FHIP1A: variants seen among roughly 807,000 people sequenced by gnomAD.
FHIP1A encodes FHF complex subunit HOOK interacting protein 1A.
A neutral mutation model predicts 88.6 loss-of-function variants in FHIP1A; 61 were observed. The ratio of observed to expected loss-of-function variants is 0.69; its 90% CI spans 0.56 to 0.85. The LOEUF is 0.85. Ranked by LOEUF, FHIP1A falls within the 40% of genes least tolerant of loss-of-function variation. The probability of loss-of-function intolerance (pLI) is 0.00; values close to 1 mark genes in which losing one functional copy is unlikely to be tolerated. For missense variants in FHIP1A, 1,154 were observed against 1,273.5 expected, an observed-to-expected ratio of 0.91 and a Z score of 1.43; for synonymous variants, 478 against 496.0, an observed-to-expected ratio of 0.96 and a Z score of 0.48.
intron 7 of FHIP1A, among the ~76,000 whole-genome samples, chr4:151,617,054 A>G (rs1735567591): frequency 1.3e-5 from 2 of 152,100 alleles, no homozygotes; most frequent in South Asian, 4.1e-4. Context: ...TCCCCTGAAT[A>G]TGTACTTTCT....
At chr4:151,542,119 TC>T (rs1436063078) in intron 3 of FHIP1A, among the ~76,000 whole-genome samples, 1 of 152,112 alleles carries the variant, frequency 6.6e-6, no homozygotes, top group Middle Eastern at 3.2e-3. Flanking sequence ...TAAATTCTGT[TC>T]CCCTTCACCC....
At chr4:151,632,170 T>G (rs933985794) in intron 8 of FHIP1A, among the ~76,000 whole-genome samples, 1 of 151,916 alleles carries the variant, frequency 6.6e-6, no homozygotes, top group African/African-American at 2.4e-5. Context: ...AAAATTAGAC[T>G]TTAAGATAAA....
Position 151,499,023 on chromosome 4 carries a change from G to T in FHIP1A, c.-123+16375G>T, listed in dbSNP as rs536550460. On this transcript the variant is annotated intron_variant, in intron 3 of 13. Transcript: ENST00000435205. ...TTAAACAGTTATTAAGCAATGAATA[G>T]AAGTGATTATATCTGCCCTGGTTCT... Among the ~76,000 whole-genome samples the T allele has an allele frequency of 7.9e-5, 12 of 152,344 alleles. No homozygotes were observed. In the South Asian group the frequency reaches 2.5e-3, roughly 32 times the overall value.
chr4:151,584,828 C>T (rs901394638), intron 5 of FHIP1A, among the ~76,000 whole-genome samples: 1 of 152,074 alleles, frequency 6.6e-6, no homozygotes, highest in Non-Finnish European at 1.5e-5. Context: ...TTTGTATATG[C>T]TGTTTTCTCT....
At chr4:151,583,268 CCT>C (rs1255034038) in intron 5 of FHIP1A, among the ~76,000 whole-genome samples, 1 of 152,178 alleles carries the variant, frequency 6.6e-6, no homozygotes, top group Non-Finnish European at 1.5e-5. Flanking sequence ...TATTTTCTCC[CCT>C]GTTTCTTTGC....
chr4:151,633,592 AAG>A (rs1578843270), intron 8 of FHIP1A, among the ~76,000 whole-genome samples: 1 of 151,988 alleles, frequency 6.6e-6, no homozygotes, highest in Non-Finnish European at 1.5e-5. Context: ...AGCACATGGT[AAG>A]GATTGTATAA....
At chr4:151,530,569 C>T (rs2057961457) in intron 3 of FHIP1A, among the ~76,000 whole-genome samples, 1 of 152,204 alleles carries the variant, frequency 6.6e-6, no homozygotes, top group South Asian at 2.1e-4. Flanking sequence ...TCTGTTTGGG[C>T]TTCTCTAGTG....
intron 3 of FHIP1A, among the ~76,000 whole-genome samples, chr4:151,520,868 C>T (rs1327825041): frequency 2.0e-5 from 3 of 152,140 alleles, no homozygotes; most frequent in Non-Finnish European, 1.5e-5. Flanking sequence ...TTCAAAAAGG[C>T]TTTCTTAGAA....
At position 151,625,148 on chromosome 4, in the gene FHIP1A, G is replaced by A. The variant is rs1373919826; in HGVS notation, c.979-4554G>A. Among the ~76,000 whole-genome samples, 7 of 152,132 alleles carry A rather than the reference G, an allele frequency of 4.6e-5. No individual in the cohort carries two copies. The South Asian group carries it at 6.2e-4, about 14-fold the overall frequency. ...GTTAAGACCCTTTCACTCCTGTTTC[G>A]TGTGATCCAGCCTTGTCATTCTTTT... is the stretch of plus-strand genomic sequence containing the variant. On this transcript the variant is annotated intron_variant, in intron 7 of 13. Transcript: ENST00000435205.
chr4:151,557,114 G>T (rs990976514), intron 3 of FHIP1A, among the ~76,000 whole-genome samples: 2 of 152,154 alleles, frequency 1.3e-5, no homozygotes, highest in Non-Finnish European at 2.9e-5. Flanking sequence ...ATTACCTAAT[G>T]CATAGAATGG....
chr4:151,535,763 G>A (rs978351163), intron 3 of FHIP1A, among the ~76,000 whole-genome samples: 11 of 152,186 alleles, frequency 7.2e-5, no homozygotes, highest in African/African-American at 2.4e-4. Flanking sequence ...AATATTTGTG[G>A]AACAACTGAA....
intron 1 of FHIP1A, among the ~76,000 whole-genome samples, chr4:151,427,812 A>G (rs966387159): frequency 2.0e-5 from 3 of 152,142 alleles, no homozygotes; most frequent in Non-Finnish European, 4.4e-5. Context: ...CCATGTGAGT[A>G]AAATCATTGG....
At chr4:151,495,023 T>G (rs1385777527) in intron 3 of FHIP1A, among the ~76,000 whole-genome samples, 2 of 152,308 alleles carry the variant, frequency 1.3e-5, no homozygotes, top group Admixed American at 1.3e-4. Context: ...TTTTATACAT[T>G]AATTTTGTAT....
At chr4:151,530,438 A>C (rs1731830884) in intron 3 of FHIP1A, among the ~76,000 whole-genome samples, 1 of 152,040 alleles carries the variant, frequency 6.6e-6, no homozygotes, top group South Asian at 2.1e-4. Flanking sequence ...TCAGTTAGGT[A>C]CCTTCCTGAT....
chr4:151,536,575 T>C (rs192658859), intron 3 of FHIP1A, among the ~76,000 whole-genome samples: 1 of 152,348 alleles, frequency 6.6e-6, no homozygotes, highest in East Asian at 1.9e-4. Context: ...CTATTTGAGA[T>C]TGGCTTTTTT....
chr4:151,452,827 A>T (rs1270623565), intron 1 of FHIP1A, among the ~76,000 whole-genome samples: 1 of 151,990 alleles, frequency 6.6e-6, no homozygotes, highest in Non-Finnish European at 1.5e-5. Context: ...GGATATAGAG[A>T]AAGTATATAT....
chr4:151,450,921 G>C (rs1398810250), intron 1 of FHIP1A, among the ~76,000 whole-genome samples: 1 of 152,012 alleles, frequency 6.6e-6, no homozygotes, highest in Non-Finnish European at 1.5e-5. Context: ...GGGATTACAA[G>C]TGTGTGCCAC....
chr4:151,437,834 C>T (rs2724550), intron 1 of FHIP1A, among the ~76,000 whole-genome samples: 79,074 of 151,996 alleles, frequency 0.52, 20,867 homozygotes, highest in African/African-American at 0.55. Context: ...TTTAGACATA[C>T]AGTTGGTAAC....
chr4:151,532,492 G>A (rs546781705), intron 3 of FHIP1A, among the ~76,000 whole-genome samples: 4 of 152,170 alleles, frequency 2.6e-5, no homozygotes, highest in Non-Finnish European at 5.9e-5. Flanking sequence ...GCCTCCTGGA[G>A]GAAGGTTAGC....
Sources: gnomAD v4.1 joint callset for allele counts (sites outside exome capture counted in the v4.1 genomes callset) on GRCh38, gnomAD v4.1.1 for gene constraint, MANE v1.5 for transcripts, NCBI Gene and HGNC (gene_info 2026-07-23, HGNC 2026-07-21) for gene names.